The following ATP2B4 variants were observed in gnomAD, a reference collection of about 807,000 sequenced individuals.
ATP2B4 encodes ATPase plasma membrane Ca2+ transporting 4.
ATP2B4 carries 39 observed loss-of-function variants against 110.3 expected under a neutral mutation model. That is an observed-to-expected ratio of 0.35 (90% CI 0.27 to 0.46). The LOEUF (loss-of-function observed/expected upper bound fraction) is 0.46, where lower values mean the gene tolerates loss of function less well. ATP2B4 is among the 20% of genes least tolerant of loss of function. The pLI is 1.00. For missense variants in ATP2B4, 1,135 were observed against 1,530.9 expected (o/e 0.74, Z 4.32); for synonymous variants, 538 against 571.7 (o/e 0.94, Z 0.84).
chr1:203,692,478 C>T (rs1458996054), intron 2 of ATP2B4, among the ~76,000 whole-genome samples: 3 of 152,210 alleles, frequency 2.0e-5, no homozygotes, highest in Non-Finnish European at 4.4e-5. Context: ...CAAACAAAAC[C>T]CAAATCCTTT....
At chr1:203,666,228 G>A (rs916822254) in intron 1 of ATP2B4, among the ~76,000 whole-genome samples, 1 of 152,196 alleles carries the variant, frequency 6.6e-6, no homozygotes, top group African/African-American at 2.4e-5. Flanking sequence ...ACAGAGAACT[G>A]CCCATGAGTA....
In ATP2B4 at chr1:203,698,178, A is replaced by G; in HGVS notation, c.215A>G (p.Asp72Gly). Residue 72 changes from aspartate (D) to glycine (G), a missense_variant, in exon 3 of 21, where the codon GAT (aspartate) becomes GGT (glycine). Coordinates refer to ENST00000357681, the MANE Select transcript of ATP2B4 (RefSeq NM_001684.5). ...PVEGLSGNPA[D>G]LEKRRQVFGH... is the part of the protein sequence containing the mutation. ...TCAGGTCTGTCTGGGAACCCTGCAG[A>G]TCTGGAGAAACGTAGGCAGGTGTTT... is the stretch of plus-strand genomic sequence containing the variant. 6.2e-7 allele frequency: 1 copy of G among 1,614,112 alleles called. No individual in the cohort carries two copies. Among genetic ancestry groups the G allele is most frequent in the Non-Finnish European group, 8.5e-7 (1 of 1,180,010 alleles).
At chr1:203,680,301 A>T (rs1033836630) in intron 1 of ATP2B4, among the ~76,000 whole-genome samples, 1 of 152,090 alleles carries the variant, frequency 6.6e-6, no homozygotes, top group African/African-American at 2.4e-5. Context: ...GGGCTTAATA[A>T]CAAAAGTTCA....
At position 203,709,448 on chromosome 1, in the gene ATP2B4, A is replaced by G; in HGVS notation, c.1705A>G (p.Asn569Asp). 6.2e-7 allele frequency: 1 copy of G among 1,614,210 alleles called. No homozygotes were observed. The highest frequency in any genetic ancestry group is 8.5e-7 in the Non-Finnish European group (1 of 1,180,040). ...GAAGCTCTACAAGGTGTACACCTTT[A>G]ACTCAGTGCGCAAGTCAATGAGCAC... is the stretch of plus-strand genomic sequence containing the variant. ...EEKLYKVYTF[N>D]SVRKSMSTVI... The change falls in exon 11 of 21, where the codon AAC becomes GAC. Residue 569 changes from asparagine (N) to aspartate (D), a missense_variant. Physicochemically the swap from Asn to Asp is conservative, Grantham distance 23 (BLOSUM62 1). Coordinates refer to ENST00000357681, the MANE Select transcript of ATP2B4 (RefSeq NM_001684.5).
At chr1:203,734,271 T>C (rs1244632353) in intron 20 of ATP2B4, among the ~76,000 whole-genome samples, 2 of 149,920 alleles carry the variant, frequency 1.3e-5, no homozygotes, top group Non-Finnish European at 3.0e-5. Flanking sequence ...GCCACTGCAC[T>C]CCACCCTGGG....
intron 1 of ATP2B4, among the ~76,000 whole-genome samples, chr1:203,669,827 G>A (rs537661839): frequency 6.6e-5 from 10 of 152,334 alleles, no homozygotes; most frequent in African/African-American, 2.4e-4. Context: ...TAATTGCACA[G>A]GTTAGGCCAG....
chr1:203,669,406 C>T (rs547999141), intron 1 of ATP2B4, among the ~76,000 whole-genome samples: 7 of 152,246 alleles, frequency 4.6e-5, no homozygotes, highest in Non-Finnish European at 1.0e-4. Context: ...GACTGGATCC[C>T]TTTCCAGGAC....
At chr1:203,675,095 G>C (rs575668975) in intron 1 of ATP2B4, among the ~76,000 whole-genome samples, 2 of 152,206 alleles carry the variant, frequency 1.3e-5, no homozygotes, top group South Asian at 2.1e-4. Flanking sequence ...GCACATTCCT[G>C]CTTCCTCCCA....
intron 1 of ATP2B4, among the ~76,000 whole-genome samples, chr1:203,660,231 A>T (rs1325693984): frequency 1.3e-5 from 2 of 152,198 alleles, no homozygotes; most frequent in Admixed American, 1.3e-4. Flanking sequence ...CCAAAACATC[A>T]TGTAACAGCC....
chr1:203,702,828 TG>T (rs1490935525), intron 7 of ATP2B4, among the ~76,000 whole-genome samples: 1 of 152,262 alleles, frequency 6.6e-6, no homozygotes, highest in Non-Finnish European at 1.5e-5. Context: ...GTTTTTACTT[TG>T]TAACCCACAT....
At chr1:203,705,299 A>C (rs1462088727) in intron 8 of ATP2B4, among the ~76,000 whole-genome samples, 1 of 152,246 alleles carries the variant, frequency 6.6e-6, no homozygotes, top group Non-Finnish European at 1.5e-5. Flanking sequence ...TACATGGATG[A>C]GATGAATTGC....
chr1:203,703,162 A>G (rs981131138), intron 7 of ATP2B4, among the ~76,000 whole-genome samples: 1 of 125,708 alleles, frequency 8.0e-6, no homozygotes, highest in African/African-American at 3.4e-5. Context: ...TTCCCTGACA[A>G]TCGAGAGAGA....
At chr1:203,717,471 C>T (rs1666189804) in intron 15 of ATP2B4, among the ~76,000 whole-genome samples, 1 of 152,012 alleles carries the variant, frequency 6.6e-6, no homozygotes, top group South Asian at 2.1e-4. Flanking sequence ...CAGAAGAGGC[C>T]TCTTCAACAT....
At chr1:203,641,064 T>C (rs542776468) in intron 1 of ATP2B4, among the ~76,000 whole-genome samples, 67 of 152,280 alleles carry the variant, frequency 4.4e-4, no homozygotes, top group African/African-American at 1.5e-3. Context: ...TACAGGGAAA[T>C]AGCACAGAAC....
At position 203,699,555 on chromosome 1, in the gene ATP2B4, G is replaced by T. The variant is rs773335926; in HGVS notation, c.487G>T (p.Val163Leu). The T allele has an allele frequency of 1.2e-6, 2 of 1,614,060 alleles. No individual in the cohort carries two copies. The highest frequency in any genetic ancestry group is 2.7e-5 in the African/African-American group (2 of 74,908). ...CATCCTTTTCTCAGTGATCATCGTG[G>T]TGTTAGTGACTGCCTTTAATGATTG... is the stretch of plus-strand genomic sequence containing the variant. ...AAILFSVIIV[V>L]LVTAFNDWSK... The change falls in exon 4 of 21, where the codon GTG (valine) becomes TTG (leucine). Residue 163 changes from valine to leucine, a missense_variant. Val to Leu is a conservative substitution (Grantham distance 32). Around this residue, in one of 9 missense-constraint regions of ATP2B4, gnomAD observed 101 missense variants for 182.6 expected, o/e 0.55. Transcript: ENST00000357681.
At chr1:203,700,966 A>T in intron 6 of ATP2B4, 43 bp downstream of exon 6, 1 of 1,593,052 alleles carries the variant, frequency 6.3e-7, no homozygotes, top group Non-Finnish European at 8.6e-7. Context: ...TCTCATCCCC[A>T]TGGACAAACA....
chr1:203,700,888 T>C lies in ATP2B4; in HGVS notation c.866T>C (p.Val289Ala). Residue 289 changes from valine (V) to alanine (A), a missense_variant, in exon 6 of 21, where the codon GTC becomes GCC. Physicochemically the swap from Val to Ala is moderately conservative, Grantham distance 64 (BLOSUM62 0). This residue lies in a region of ATP2B4 where 162 missense variants were observed against 210.5 expected (regional missense o/e 0.77). Coordinates refer to ENST00000357681, the MANE Select transcript of ATP2B4 (RefSeq NM_001684.5). ...GGAATCATCCTTACTCTCTTGGGGG[T>C]CAATGAGGATGACGAAGGGGAGAAA... is the stretch of plus-strand genomic sequence containing the variant. ...QTGIILTLLG[V>A]NEDDEGEKKK... 6.2e-7 allele frequency: 1 copy of C among 1,613,064 alleles called. No individual in the cohort carries two copies. The highest frequency in any genetic ancestry group is 8.5e-7 in the Non-Finnish European group (1 of 1,179,584).
chr1:203,703,716 T>C lies in ATP2B4; in HGVS notation c.1002T>C (p.Asn334=). Residue 334 remains asparagine, a synonymous_variant, in exon 8 of 21, where the codon AAT becomes AAC. Transcript: ENST00000357681. ...TCAACAGCCAGGAGGGAATCGACAA[T>C]GAGGAAAAGGACAAGAAGGCAGTCA... ...QPLNSQEGID[N]EEKDKKAVKV... is the part of the protein sequence containing the mutation. 1 of 1,613,914 alleles carries C rather than the reference T, an allele frequency of 6.2e-7. No homozygotes were observed. Among genetic ancestry groups the C allele is most frequent in the African/African-American group, 1.3e-5 (1 of 74,962 alleles).
chr1:203,665,724 CG>C (rs1664483026), intron 1 of ATP2B4, among the ~76,000 whole-genome samples: 1 of 145,984 alleles, frequency 6.9e-6, no homozygotes, highest in Admixed American at 7.2e-5. Context: ...CACTTGAACC[CG>C]GGAGGCGGAG....
Sources: allele counts gnomAD v4.1 joint callset (sites outside exome capture counted in the v4.1 genomes callset), GRCh38; gene constraint gnomAD v4.1.1; regional missense constraint gnomAD v4.1.1; transcripts MANE v1.5; gene names NCBI Gene and HGNC (gene_info 2026-07-23, HGNC 2026-07-21).